PCDH15: variants seen among roughly 807,000 people sequenced by gnomAD.
The protein encoded by PCDH15 is protocadherin-15.
PCDH15 carries 129 observed loss-of-function variants against 178.5 expected under a neutral mutation model. The observed-to-expected ratio is 0.72, with a 90% confidence interval of 0.63 to 0.84. The LOEUF (loss-of-function observed/expected upper bound fraction) is 0.84, where lower values mean the gene tolerates loss of function less well. Among genes scored for constraint, PCDH15 ranks in the 40% least tolerant of loss-of-function variants. The probability of loss-of-function intolerance (pLI) is 0.00; values close to 1 mark genes in which losing one functional copy is unlikely to be tolerated. For missense variants in PCDH15, 2,230 were observed against 2,099.9 expected (o/e 1.06, Z -1.21); for synonymous variants, 800 against 732.0 (o/e 1.09, Z -1.50).
intron 2 of PCDH15, among the ~76,000 whole-genome samples, chr10:55,117,030 C>A (rs1369317796): frequency 6.6e-6 from 1 of 152,146 alleles, no homozygotes; most frequent in African/African-American, 2.4e-5. Context: ...CTATCAAATT[C>A]TTCATCAAAC....
intron 25 of PCDH15, among the ~76,000 whole-genome samples, chr10:53,938,604 G>A (rs1211649704): frequency 1.3e-5 from 2 of 152,046 alleles, no homozygotes; most frequent in African/African-American, 4.8e-5. Context: ...TTTGAAAACG[G>A]TGTTTTATTA....
At chr10:54,582,423 A>G (rs973644979) in intron 2 of PCDH15, among the ~76,000 whole-genome samples, 3 of 152,140 alleles carry the variant, frequency 2.0e-5, no homozygotes, top group Admixed American at 6.6e-5. Context: ...CACCAGATGT[A>G]AAATGAAGAA....
chr10:55,162,363 A>C (rs1027812214), intron 2 of PCDH15, among the ~76,000 whole-genome samples: 2 of 152,192 alleles, frequency 1.3e-5, no homozygotes, highest in Non-Finnish European at 2.9e-5. Flanking sequence ...AGGTACTAAA[A>C]CAAAATGTAT....
At chr10:55,255,559 A>T (rs1360320534) in intron 1 of PCDH15, among the ~76,000 whole-genome samples, 1 of 152,092 alleles carries the variant, frequency 6.6e-6, no homozygotes, top group Non-Finnish European at 1.5e-5. Context: ...ACTAGTTTAC[A>T]CTCCCACCAA....
chr10:53,838,585 A>C (rs896067151), intron 29 of PCDH15, among the ~76,000 whole-genome samples: 1 of 152,150 alleles, frequency 6.6e-6, no homozygotes, highest in African/African-American at 2.4e-5. Context: ...AAAACACCCT[A>C]AACTCAATCA....
At chr10:54,740,805 G>A (rs1411863424) in intron 1 of PCDH15, among the ~76,000 whole-genome samples, 3 of 151,838 alleles carry the variant, frequency 2.0e-5, no homozygotes, top group Non-Finnish European at 2.9e-5. Context: ...ACTAATATGC[G>A]GGAGCTAAAA....
chr10:55,596,487 C>T (rs1354911147), intron 2 of PCDH15, among the ~76,000 whole-genome samples: 2 of 152,046 alleles, frequency 1.3e-5, no homozygotes, highest in Non-Finnish European at 2.9e-5. Flanking sequence ...CTTCACTTCT[C>T]TCCCTCTCTC....
intron 15 of PCDH15, among the ~76,000 whole-genome samples, chr10:54,109,585 C>T (rs2094977463): frequency 6.6e-6 from 1 of 152,036 alleles, no homozygotes; most frequent in African/African-American, 2.4e-5. Context: ...ATAAGCCAGG[C>T]ACAGAAAGAC....
chr10:55,222,563 G>C (rs183986378), intron 1 of PCDH15, among the ~76,000 whole-genome samples: 1 of 150,850 alleles, frequency 6.6e-6, no homozygotes, highest in African/African-American at 2.4e-5. Flanking sequence ...TTTTCTTAAC[G>C]TGCCAGCTGG....
At chr10:53,851,681 TA>T (rs2078372144) in intron 28 of PCDH15, among the ~76,000 whole-genome samples, 1 of 19,768 alleles carries the variant, frequency 5.1e-5, no homozygotes, top group African/African-American at 8.3e-4. Flanking sequence ...AATATATATA[TA>T]TATATATATA....
At chr10:55,180,467 T>C (rs1839616780) in intron 1 of PCDH15, among the ~76,000 whole-genome samples, 2 of 152,114 alleles carry the variant, frequency 1.3e-5, no homozygotes, top group African/African-American at 4.8e-5. Context: ...GGGAAATAGT[T>C]AAGAAGCTAT....
chr10:54,751,932 C>T (rs1946284533), intron 1 of PCDH15, among the ~76,000 whole-genome samples: 1 of 152,088 alleles, frequency 6.6e-6, no homozygotes, highest in African/African-American at 2.4e-5. Context: ...ATTAAGAAAA[C>T]ATTACCTACT....
intron 13 of PCDH15, among the ~76,000 whole-genome samples, chr10:54,176,623 G>T (rs905364007): frequency 6.6e-6 from 1 of 152,178 alleles, no homozygotes; most frequent in East Asian, 1.9e-4. Flanking sequence ...GTCCTTGACT[G>T]TATGTGTGGA....
rs191826620 is a variant in PCDH15 at position 53,899,888 on chromosome 10, C to T, written c.3501+3355G>A. 6.4e-4 allele frequency among the ~76,000 whole-genome samples: 98 copies of T among 152,324 alleles called. No homozygotes were observed. The East Asian group carries it at 0.01, about 16-fold the overall frequency. On this transcript the variant is annotated intron_variant, in intron 26 of 37. Coordinates refer to ENST00000644397, the MANE Select transcript of PCDH15 (RefSeq NM_001384140.1). Reference sequence around the variant, plus strand: ...ATTGTTAAACATTAAGTATTTATTACTCCCTTCCGCTCGTAAATCCCTTGC... The same window carrying T: ...ATTGTTAAACATTAAGTATTTATTATTCCCTTCCGCTCGTAAATCCCTTGC...
intron 8 of PCDH15, among the ~76,000 whole-genome samples, chr10:54,308,890 C>T (rs1046951149): frequency 4.6e-5 from 7 of 151,544 alleles, no homozygotes; most frequent in African/African-American, 1.5e-4. Flanking sequence ...TGTTTGTGTG[C>T]GATTGTTGAT....
chr10:54,997,615 A>G (rs963013461), intron 2 of PCDH15, among the ~76,000 whole-genome samples: 1 of 152,226 alleles, frequency 6.6e-6, no homozygotes, highest in Non-Finnish European at 1.5e-5. Context: ...CAAAACTAAT[A>G]TAATGTTTTT....
intron 2 of PCDH15, among the ~76,000 whole-genome samples, chr10:54,530,163 T>C (rs2083766141): frequency 6.6e-6 from 1 of 152,148 alleles, no homozygotes; most frequent in South Asian, 2.1e-4. Flanking sequence ...TATCTTCATA[T>C]TCCAGCCCTT....
chr10:55,544,865 G>A (rs1411977783), intron 2 of PCDH15, among the ~76,000 whole-genome samples: 1 of 152,108 alleles, frequency 6.6e-6, no homozygotes, highest in Non-Finnish European at 1.5e-5. Flanking sequence ...TAAAGGTAAA[G>A]GAGGTCACTT....
intron 2 of PCDH15, among the ~76,000 whole-genome samples, chr10:55,331,978 G>A (rs1285797994): frequency 6.6e-6 from 1 of 152,078 alleles, no homozygotes; most frequent in Non-Finnish European, 1.5e-5. Flanking sequence ...TGATATAGGA[G>A]ATGTACATCA....
Sources: allele counts gnomAD v4.1 joint callset (sites outside exome capture counted in the v4.1 genomes callset), GRCh38; gene constraint gnomAD v4.1.1; transcripts MANE v1.5; gene names NCBI Gene and HGNC (gene_info 2026-07-23, HGNC 2026-07-21).